The following TRHDE variants were observed in gnomAD, a reference collection of about 807,000 sequenced individuals.
The protein encoded by TRHDE is thyrotropin releasing hormone degrading enzyme.
A neutral mutation model predicts 125.7 loss-of-function variants in TRHDE; 72 were observed. The observed-to-expected ratio is 0.57, with a 90% CI of 0.47 to 0.70. The LOEUF is 0.70. Ranked by LOEUF, TRHDE falls within the 30% of genes least tolerant of loss-of-function variation. TRHDE has a pLI of 0.00. For missense variants in TRHDE, 1,110 were observed against 1,327.1 expected, an observed-to-expected ratio of 0.84 and a Z score of 2.54; for synonymous variants, 509 against 509.1, an observed-to-expected ratio of 1.00 and a Z score of 0.00.
intron 6 of TRHDE, among the ~76,000 whole-genome samples, chr12:72,504,916 T>C (rs1023177028): frequency 1.3e-5 from 2 of 152,220 alleles, no homozygotes; most frequent in Non-Finnish European, 2.9e-5. Flanking sequence ...ATCAGTGTTT[T>C]GCTAGCTTAT....
intron 2 of TRHDE, among the ~76,000 whole-genome samples, chr12:72,123,560 T>C (rs1056134421): frequency 3.3e-5 from 5 of 152,096 alleles, no homozygotes; most frequent in Non-Finnish European, 7.4e-5. Context: ...TATCATAATG[T>C]CTTCTCATCC....
intron 2 of TRHDE, among the ~76,000 whole-genome samples, chr12:72,326,771 A>C (rs2135715619): frequency 6.6e-6 from 1 of 152,322 alleles, no homozygotes; most frequent in Non-Finnish European, 1.5e-5. Flanking sequence ...AAACGTAGGA[A>C]GTCCACTTTC....
chr12:72,266,195 A>G (rs1196913201), intron 2 of TRHDE, among the ~76,000 whole-genome samples: 2 of 152,090 alleles, frequency 1.3e-5, no homozygotes, highest in Admixed American at 1.3e-4. Flanking sequence ...ATACATGTGG[A>G]TGAAATAAAG....
At chr12:72,604,936 C>A (rs541300632) in intron 12 of TRHDE, among the ~76,000 whole-genome samples, 5 of 152,038 alleles carry the variant, frequency 3.3e-5, no homozygotes, top group Non-Finnish European at 5.9e-5. Flanking sequence ...ATTATCATTA[C>A]TTTTTCTACG....
intron 3 of TRHDE, among the ~76,000 whole-genome samples, chr12:72,403,134 C>T (rs888229753): frequency 6.6e-6 from 1 of 152,112 alleles, no homozygotes; most frequent in Non-Finnish European, 1.5e-5. Context: ...ACACATGGGC[C>T]TCTCTCAGGA....
chr12:72,582,690 G>T (rs149904755), intron 12 of TRHDE: 3 of 877,674 alleles, frequency 3.4e-6, no homozygotes, highest in African/African-American at 3.6e-5. Flanking sequence ...AATTGAGAAG[G>T]AATTATAAAC....
At chr12:72,522,438 A>G (rs1868266574) in intron 6 of TRHDE, among the ~76,000 whole-genome samples, 1 of 152,228 alleles carries the variant, frequency 6.6e-6, no homozygotes, top group Non-Finnish European at 1.5e-5. Context: ...AGGATTTACA[A>G]TGAATTTAAC....
At chr12:72,495,838 T>C (rs541096257) in intron 5 of TRHDE, among the ~76,000 whole-genome samples, 5 of 152,294 alleles carry the variant, frequency 3.3e-5, no homozygotes, top group African/African-American at 4.8e-5. Context: ...TCTTTACTTT[T>C]CTGAAATGCC....
chr12:72,351,758 G>C (rs1202768869), intron 2 of TRHDE, among the ~76,000 whole-genome samples: 2 of 151,798 alleles, frequency 1.3e-5, no homozygotes, highest in Admixed American at 1.3e-4. Flanking sequence ...TCTTTCCATT[G>C]CACTTAAAGA....
intron 3 of TRHDE, chr12:72,431,648 T>G (rs947592570): frequency 2.0e-5 from 3 of 152,130 alleles, no homozygotes; most frequent in Non-Finnish European, 4.4e-5. Context: ...AGAGGTTTTT[T>G]TTTTTTTGAG....
chr12:72,456,427 A>T (rs932251429), intron 3 of TRHDE, among the ~76,000 whole-genome samples: 1 of 152,158 alleles, frequency 6.6e-6, no homozygotes, highest in Non-Finnish European at 1.5e-5. Context: ...TTTCATTTTA[A>T]TAACTATTTA....
intron 10 of TRHDE, among the ~76,000 whole-genome samples, chr12:72,573,974 A>G (rs1208384062): frequency 6.6e-6 from 1 of 151,970 alleles, no homozygotes; most frequent in East Asian, 1.9e-4. Context: ...TATTCAGTAT[A>G]CTTTGGGGTA....
chr12:72,280,316 T>C (rs1280783251), intron 1 of TRHDE, among the ~76,000 whole-genome samples: 1 of 152,188 alleles, frequency 6.6e-6, no homozygotes, highest in Non-Finnish European at 1.5e-5. Flanking sequence ...GGTAAGCACA[T>C]CTGTGGTTAT....
At chr12:72,111,634 A>G (rs1010642917) in intron 2 of TRHDE, among the ~76,000 whole-genome samples, 14 of 152,222 alleles carry the variant, frequency 9.2e-5, no homozygotes, top group Admixed American at 7.2e-4. Context: ...AAAGATTGTC[A>G]GAAGGGAAAT....
chr12:72,335,551 A>C (rs1421059905), intron 2 of TRHDE, among the ~76,000 whole-genome samples: 1 of 152,204 alleles, frequency 6.6e-6, no homozygotes, highest in East Asian at 1.9e-4. Flanking sequence ...ACCTCTCTGC[A>C]CACACACAAT....
At chr12:72,161,301 C>T (rs562257857) in intron 2 of TRHDE, among the ~76,000 whole-genome samples, 1 of 152,134 alleles carries the variant, frequency 6.6e-6, no homozygotes, top group South Asian at 2.1e-4. Flanking sequence ...GGCGTGGTGG[C>T]ACTCGCCTGT....
chr12:72,557,934 C>T (rs1045492731), intron 7 of TRHDE, among the ~76,000 whole-genome samples: 1 of 150,940 alleles, frequency 6.6e-6, no homozygotes, highest in African/African-American at 2.5e-5. Context: ...TCAACAGAAA[C>T]AAATATTGCA....
intron 6 of TRHDE, among the ~76,000 whole-genome samples, chr12:72,538,042 G>C (rs1347558119): frequency 6.6e-6 from 1 of 151,888 alleles, no homozygotes; most frequent in African/African-American, 2.4e-5. Context: ...CTGGAATCTT[G>C]CTTCAATAAT....
At chr12:72,125,612 T>C (rs1389312985) in intron 2 of TRHDE, among the ~76,000 whole-genome samples, 1 of 152,238 alleles carries the variant, frequency 6.6e-6, no homozygotes, top group Non-Finnish European at 1.5e-5. Context: ...TTTTGTTCTT[T>C]AAAAGTATAT....
Sources: gnomAD v4.1 joint callset for allele counts (sites outside exome capture counted in the v4.1 genomes callset) on GRCh38, gnomAD v4.1.1 for gene constraint, MANE v1.5 for transcripts, NCBI Gene and HGNC (gene_info 2026-07-23, HGNC 2026-07-21) for gene names.